Variants in FSTL5 observed in about 807,000 individuals in gnomAD.
FSTL5 encodes the protein follistatin like 5.
In FSTL5, 62 loss-of-function variants were observed where a neutral mutation model predicts 89.1. That is an observed-to-expected ratio of 0.70 (90% confidence interval 0.57 to 0.86). The LOEUF (loss-of-function observed/expected upper bound fraction) is 0.86. Ranked by LOEUF, FSTL5 falls within the 40% of genes least tolerant of loss-of-function variation. The probability of loss-of-function intolerance (pLI) is 0.00; values close to 1 mark genes in which losing one functional copy is unlikely to be tolerated. For missense variants in FSTL5, 1,057 were observed against 1,001.6 expected (o/e 1.06, Z -0.75); for synonymous variants, 383 against 346.2 (o/e 1.11, Z -1.18).
Position 161,775,876 on chromosome 4 carries a change from A to G in FSTL5, c.606+2T>C. ...GTTTGTTAATATAGTCACTAATCATACCTGAGTTAGTTCATTAATATCTAC... is the reference window on the plus strand; with the variant it reads ...GTTTGTTAATATAGTCACTAATCATGCCTGAGTTAGTTCATTAATATCTAC... On this transcript the variant is annotated splice_donor_variant, in intron 5 of 15. Transcript: ENST00000306100. LOFTEE classifies it high-confidence loss of function. The G allele has an allele frequency of 6.8e-7, 1 of 1,463,620 alleles. No homozygotes were observed. The highest frequency in any genetic ancestry group is 9.2e-7 in the Non-Finnish European group (1 of 1,081,506). The allele number at this position is 1,463,620 out of a possible 1,614,324, so 90.7% of individuals were successfully genotyped here.
At chr4:162,125,552 TC>T (rs1401072666) in intron 1 of FSTL5, among the ~76,000 whole-genome samples, 1 of 152,120 alleles carries the variant, frequency 6.6e-6, no homozygotes, top group South Asian at 2.1e-4. Context: ...AACTATCTAT[TC>T]CTATGCAGAT....
At chr4:162,150,878 A>G (rs1456589689) in intron 1 of FSTL5, among the ~76,000 whole-genome samples, 8 of 152,196 alleles carry the variant, frequency 5.3e-5, no homozygotes, top group Non-Finnish European at 1.2e-4. Context: ...ATCACTAGAC[A>G]TTTACATAAA....
In FSTL5 at chr4:161,459,278, G is replaced by C. The variant is rs1284756527; in HGVS notation, c.1650C>G (p.Asp550Glu). ...TDPVPVKLHY[D>E]KSHDQVWVLS... Reference sequence around the variant, plus strand: ...GCACCCAGACCTGATCATGTGATTTGTCATAGTGTAATTTAACTGGGACAG... The same window carrying C: ...GCACCCAGACCTGATCATGTGATTTCTCATAGTGTAATTTAACTGGGACAG... The change falls in exon 14 of 16, where the codon GAC becomes GAG. Residue 550 changes from aspartate (D) to glutamate (E), a missense_variant. Asp to Glu is a conservative substitution (Grantham distance 45). Around this residue, in one of 3 missense-constraint regions of FSTL5, gnomAD observed 980 missense variants for 903.2 expected, o/e 1.08. Coordinates refer to ENST00000306100, the MANE Select transcript of FSTL5 (RefSeq NM_020116.5). 2.5e-6 allele frequency: 4 copies of C among 1,613,354 alleles called. No homozygotes were observed. The highest frequency in any genetic ancestry group is 3.4e-6 in the Non-Finnish European group (4 of 1,179,516).
intron 4 of FSTL5, among the ~76,000 whole-genome samples, chr4:161,831,431 T>G (rs974761165): frequency 3.3e-5 from 5 of 151,874 alleles, no homozygotes; most frequent in African/African-American, 1.2e-4. Context: ...CTGAATGCAT[T>G]TTTGTGGCAT....
intron 2 of FSTL5, among the ~76,000 whole-genome samples, chr4:162,106,563 G>T (rs1455236966): frequency 2.6e-5 from 4 of 152,092 alleles, no homozygotes; most frequent in Non-Finnish European, 5.9e-5. Context: ...GGGTTAAATT[G>T]GGATGGAAAA....
intron 6 of FSTL5, among the ~76,000 whole-genome samples, chr4:161,725,460 C>T (rs1010507440): frequency 5.9e-5 from 9 of 151,582 alleles, no homozygotes; most frequent in African/African-American, 2.2e-4. Flanking sequence ...GAATTTAAAA[C>T]ATTTACTATA....
chr4:162,066,418 CT>C (rs200641297), intron 2 of FSTL5, among the ~76,000 whole-genome samples: 8,666 of 127,912 alleles, frequency 0.068, 441 homozygotes, highest in East Asian at 0.16. Context: ...AGTTTTTCAC[CT>C]TTTTTTTTTC....
intron 15 of FSTL5, among the ~76,000 whole-genome samples, chr4:161,446,601 T>A (rs1732956266): frequency 6.6e-6 from 1 of 152,082 alleles, no homozygotes; most frequent in Non-Finnish European, 1.5e-5. Context: ...TACATTATCT[T>A]TTTCTTCACC....
Position 162,061,598 on chromosome 4 carries a change from A to T in FSTL5, c.127-27940T>A, listed in dbSNP as rs113180455. On this transcript the variant is annotated intron_variant, in intron 2 of 15. Coordinates refer to ENST00000306100, the MANE Select transcript of FSTL5 (RefSeq NM_020116.5). ...GGCTTAGAAACAGGGCCAGCTACAT[A>T]ACATGCAGGGCCTAGTGCAGCATGA... is the stretch of plus-strand genomic sequence containing the variant. 2.9e-3 allele frequency among the ~76,000 whole-genome samples: 441 copies of T among 152,318 alleles called. 4 individuals carry two copies. The highest frequency in any genetic ancestry group is 9.7e-3 in the African/African-American group (405 of 41,594).
intron 3 of FSTL5, among the ~76,000 whole-genome samples, chr4:161,943,834 C>A (rs28463634): frequency 5.3e-5 from 8 of 151,934 alleles, no homozygotes; most frequent in South Asian, 2.1e-4. Flanking sequence ...GGATAACAGG[C>A]GTGAGCCACT....
chr4:161,966,511 G>T (rs1578900435), intron 3 of FSTL5, among the ~76,000 whole-genome samples: 1 of 152,196 alleles, frequency 6.6e-6, no homozygotes, highest in East Asian at 1.9e-4. Flanking sequence ...TCTTTACAGA[G>T]ATGATAAAGT....
chr4:161,884,252 G>C (rs1206990846), intron 4 of FSTL5, among the ~76,000 whole-genome samples: 1 of 151,790 alleles, frequency 6.6e-6, no homozygotes, highest in African/African-American at 2.4e-5. Flanking sequence ...TGGCCAGACT[G>C]GTCTCAAACT....
intron 7 of FSTL5, among the ~76,000 whole-genome samples, chr4:161,621,307 A>AC (rs1560983262): frequency 3.2e-3 from 405 of 126,740 alleles, no homozygotes; most frequent in African/African-American, 0.011. Context: ...CACACACACA[A>AC]ACACAAAATT....
At chr4:161,540,018 C>T (rs1484806665) in intron 9 of FSTL5, among the ~76,000 whole-genome samples, 1 of 150,962 alleles carries the variant, frequency 6.6e-6, no homozygotes, top group Non-Finnish European at 1.5e-5. Flanking sequence ...AATATTTTTA[C>T]ATGTTCTCCT....
At chr4:161,770,678 A>T (rs1741177661) in intron 5 of FSTL5, among the ~76,000 whole-genome samples, 2 of 151,976 alleles carry the variant, frequency 1.3e-5, no homozygotes, top group Non-Finnish European at 2.9e-5. Context: ...ACTTAATTTT[A>T]TGGGCAAGAA....
chr4:161,823,821 G>A (rs1458726789), intron 4 of FSTL5, among the ~76,000 whole-genome samples: 1 of 152,162 alleles, frequency 6.6e-6, no homozygotes, highest in Admixed American at 6.5e-5. Context: ...ATATCTTATT[G>A]TGAGAATTCA....
chr4:161,946,620 A>G (rs964967632), intron 3 of FSTL5, among the ~76,000 whole-genome samples: 8 of 152,282 alleles, frequency 5.3e-5, no homozygotes, highest in East Asian at 1.9e-4. Flanking sequence ...GCATGACAAC[A>G]TCAATATCTG....
rs562653276 is a variant in FSTL5, at chr4:162,133,313, T to C, written c.-16-21901A>G. Among the ~76,000 whole-genome samples the C allele has an allele frequency of 4.6e-5, 7 of 152,258 alleles. No homozygotes were observed. The South Asian group carries it at 1.2e-3, about 27-fold the overall frequency. On this transcript the variant is annotated intron_variant, in intron 1 of 15. Coordinates refer to ENST00000306100, the MANE Select transcript of FSTL5 (RefSeq NM_020116.5). ...AGTCTGCAGTAAATGATTGCACGAG[T>C]GAGGCTGAAGTCGGTGAGTACCTTC...
intron 6 of FSTL5, among the ~76,000 whole-genome samples, chr4:161,663,076 A>T (rs542548014): frequency 1.5e-4 from 23 of 152,234 alleles, no homozygotes; most frequent in Admixed American, 9.8e-4. Flanking sequence ...CCCATGACTC[A>T]GTTACCTTCC....
Sources: allele counts gnomAD v4.1 joint callset (sites outside exome capture counted in the v4.1 genomes callset), GRCh38; gene constraint gnomAD v4.1.1; regional missense constraint gnomAD v4.1.1; transcripts MANE v1.5; gene names NCBI Gene and HGNC (gene_info 2026-07-23, HGNC 2026-07-21).